Variants in KCNT2 observed in about 807,000 individuals in gnomAD.
KCNT2 encodes the protein potassium channel subfamily T member 2.
In KCNT2, 67 loss-of-function variants were observed where a neutral mutation model predicts 153.8. The ratio of observed to expected loss-of-function variants is 0.44; its 90% CI spans 0.36 to 0.53. The LOEUF is 0.53. Ranked by LOEUF, KCNT2 falls within the 20% of genes least tolerant of loss-of-function variation. KCNT2 has a pLI of 0.00. For missense variants in KCNT2, 975 were observed against 1,354.8 expected, an observed-to-expected ratio of 0.72 and a Z score of 4.40; for synonymous variants, 500 against 458.8, an observed-to-expected ratio of 1.09 and a Z score of -1.15.
At chr1:196,299,628 G>A (rs1200070714) in intron 22 of KCNT2, among the ~76,000 whole-genome samples, 6 of 152,002 alleles carry the variant, frequency 3.9e-5, no homozygotes, top group Non-Finnish European at 7.4e-5. Flanking sequence ...GCAGAGAAAC[G>A]GGAACGCTTA....
chr1:196,532,685 T>C (rs1182442905), intron 1 of KCNT2, among the ~76,000 whole-genome samples: 1 of 152,076 alleles, frequency 6.6e-6, no homozygotes, highest in Non-Finnish European at 1.5e-5. Context: ...TGTTTAATGA[T>C]TCTCTGTTGC....
At chr1:196,503,766 A>T (rs1399509498) in intron 1 of KCNT2, among the ~76,000 whole-genome samples, 2 of 152,252 alleles carry the variant, frequency 1.3e-5, no homozygotes, top group South Asian at 2.1e-4. Flanking sequence ...GCAGTGAAGG[A>T]AGCACTTTCT....
At chr1:196,270,328 C>T (rs887753969) in intron 25 of KCNT2, among the ~76,000 whole-genome samples, 3 of 151,886 alleles carry the variant, frequency 2.0e-5, no homozygotes, top group Admixed American at 6.6e-5. Flanking sequence ...AATTAAAGAA[C>T]GGTTTCTGTA....
intron 1 of KCNT2, among the ~76,000 whole-genome samples, chr1:196,522,291 A>G (rs928502432): frequency 6.6e-6 from 1 of 152,214 alleles, no homozygotes; most frequent in Non-Finnish European, 1.5e-5. Context: ...TAAATGAGCT[A>G]TAGGCCAAAT....
At chr1:196,279,080 T>C (rs981476090) in intron 25 of KCNT2, among the ~76,000 whole-genome samples, 4 of 152,156 alleles carry the variant, frequency 2.6e-5, no homozygotes, top group African/African-American at 9.7e-5. Context: ...CTTCAAAACT[T>C]TGAGAATTAA....
chr1:196,587,478 T>C (rs1662827431), intron 1 of KCNT2, among the ~76,000 whole-genome samples: 2 of 152,032 alleles, frequency 1.3e-5, no homozygotes, highest in South Asian at 4.1e-4. Context: ...TTATATTATT[T>C]AATTGCTACC....
chr1:196,536,708 A>G (rs1572754508), intron 1 of KCNT2, among the ~76,000 whole-genome samples: 1 of 152,050 alleles, frequency 6.6e-6, no homozygotes, highest in African/African-American at 2.4e-5. Flanking sequence ...CCATGAAAGC[A>G]CCCATCTCGC....
chr1:196,257,692 T>G, intron 26 of KCNT2: 1 of 982,574 alleles, frequency 1.0e-6, no homozygotes, highest in Non-Finnish European at 1.2e-6. Context: ...ATTGGCACTA[T>G]ATGAGATAAA....
chr1:196,357,124 G>A (rs942834650), intron 14 of KCNT2, among the ~76,000 whole-genome samples: 3 of 151,648 alleles, frequency 2.0e-5, no homozygotes, highest in Admixed American at 6.6e-5. Context: ...CTTGAACATC[G>A]TTGAAGTTGT....
At chr1:196,246,576 A>G (rs1655467078) in intron 26 of KCNT2, among the ~76,000 whole-genome samples, 1 of 152,166 alleles carries the variant, frequency 6.6e-6, no homozygotes, top group Non-Finnish European at 1.5e-5. Context: ...TTTTCAGGAC[A>G]TAGTATAATA....
chr1:196,522,233 T>A (rs925121671), intron 1 of KCNT2, among the ~76,000 whole-genome samples: 2 of 152,198 alleles, frequency 1.3e-5, no homozygotes. Flanking sequence ...CTTCTTTATG[T>A]TAACAAAAAT....
intron 12 of KCNT2, among the ~76,000 whole-genome samples, chr1:196,413,722 G>T (rs1019307695): frequency 6.6e-6 from 1 of 151,652 alleles, no homozygotes; most frequent in Non-Finnish European, 1.5e-5. Flanking sequence ...AGAAAAAAGT[G>T]CTATGGCACT....
intron 1 of KCNT2, among the ~76,000 whole-genome samples, chr1:196,535,972 C>G (rs1572752334): frequency 6.6e-6 from 1 of 152,216 alleles, no homozygotes; most frequent in Non-Finnish European, 1.5e-5. Context: ...AAAGTGAAAC[C>G]ATCTCCCTTA....
chr1:196,312,608 C>T (rs1662298294), intron 21 of KCNT2, among the ~76,000 whole-genome samples: 2 of 151,650 alleles, frequency 1.3e-5, no homozygotes, highest in South Asian at 4.1e-4. Flanking sequence ...TCTATTTCAT[C>T]ACCTAAGCTT....
At position 196,238,763 on chromosome 1, in the gene KCNT2, C is replaced by T. The variant is rs536061550; in HGVS notation, c.3212-2693G>A. On this transcript the variant is annotated intron_variant, in intron 26 of 27. Coordinates refer to ENST00000294725, the MANE Select transcript of KCNT2 (RefSeq NM_198503.5). ...AGTTAATGGGCGCAGCAAACCAACACGGCACATGCATACATATGTAACAAA... is the reference window on the plus strand; with the variant it reads ...AGTTAATGGGCGCAGCAAACCAACATGGCACATGCATACATATGTAACAAA... Among the ~76,000 whole-genome samples, 9 of 151,866 alleles carry T rather than the reference C, an allele frequency of 5.9e-5. No homozygotes were observed. The South Asian group carries it at 1.5e-3, about 25-fold the overall frequency.
At chr1:196,473,446 A>G (rs911923179) in intron 5 of KCNT2, among the ~76,000 whole-genome samples, 1 of 152,184 alleles carries the variant, frequency 6.6e-6, no homozygotes, top group East Asian at 1.9e-4. Context: ...TCTCCTAAAT[A>G]AAAACTGTTG....
At chr1:196,286,638 T>TACACACACACACACACAC (rs201006771) in intron 22 of KCNT2, among the ~76,000 whole-genome samples, 1 of 134,310 alleles carries the variant, frequency 7.4e-6, no homozygotes, top group Admixed American at 7.6e-5. Context: ...CACACACACA[T>TACACACACACACACACAC]ACACACACAC....
chr1:196,254,830 G>A (rs920448456), intron 26 of KCNT2, among the ~76,000 whole-genome samples: 1 of 151,422 alleles, frequency 6.6e-6, no homozygotes, highest in Non-Finnish European at 1.5e-5. Context: ...ATTATTTTAG[G>A]CAAATTATAA....
chr1:196,254,971 G>A (rs774235052), intron 26 of KCNT2, among the ~76,000 whole-genome samples: 1 of 151,478 alleles, frequency 6.6e-6, no homozygotes, highest in East Asian at 1.9e-4. Context: ...TTTACTAACA[G>A]TATGAAATTT....
Sources: gnomAD v4.1 joint callset for allele counts (sites outside exome capture counted in the v4.1 genomes callset) on GRCh38, gnomAD v4.1.1 for gene constraint, MANE v1.5 for transcripts, NCBI Gene and HGNC (gene_info 2026-07-23, HGNC 2026-07-21) for gene names.